The following CWC27 variants were observed in gnomAD, a reference collection of about 807,000 sequenced individuals.
The protein encoded by CWC27 is CWC27 spliceosome associated cyclophilin, also known as spliceosome-associated protein CWC27 homolog.
A neutral mutation model predicts 63.6 loss-of-function variants in CWC27; 47 were observed. The ratio of observed to expected loss-of-function variants is 0.74; its 90% CI spans 0.58 to 0.94. The LOEUF (loss-of-function observed/expected upper bound fraction) is 0.94. Among genes scored for constraint, CWC27 ranks in the 40% least tolerant of loss-of-function variants. The pLI is 0.00. For missense variants in CWC27, 495 were observed against 554.3 expected, an observed-to-expected ratio of 0.89 and a Z score of 1.07; for synonymous variants, 175 against 179.8, an observed-to-expected ratio of 0.97 and a Z score of 0.22.
intron 13 of CWC27, among the ~76,000 whole-genome samples, chr5:64,994,092 A>G (rs575896626): frequency 6.6e-6 from 1 of 152,356 alleles, no homozygotes; most frequent in African/African-American, 2.4e-5. Flanking sequence ...CAAATACCTA[A>G]TTTGTGTTTA....
rs147754378 is a variant in CWC27 at position 64,808,223 on chromosome 5, T to G, written c.938+3837T>G. 3,917 of 1,009,284 alleles carry G rather than the reference T, an allele frequency of 3.9e-3. 8 individuals carry two copies. Among genetic ancestry groups the G allele is most frequent in the East Asian group, 8.4e-3 (81 of 9,658 alleles). The allele number at this position is 1,009,284 out of a possible 1,614,324, so 62.5% of individuals were successfully genotyped here. A position where few individuals can be genotyped will look rare whatever the true frequency, so the allele number is the denominator to read the frequency against. ...GATCCCCAGGTGATTTTTGTGTGCA[T>G]TAGTTTGAGAAGCAGTCCTGTAGAA... is the stretch of plus-strand genomic sequence containing the variant. On this transcript the variant is annotated intron_variant, in intron 10 of 13. Coordinates refer to ENST00000381070, the MANE Select transcript of CWC27 (RefSeq NM_005869.4).
chr5:64,855,065 G>C (rs62369331), intron 10 of CWC27, among the ~76,000 whole-genome samples: 55,228 of 151,896 alleles, frequency 0.36, 10,627 homozygotes, highest in East Asian at 0.51. Context: ...CTGGTGCTGA[G>C]AGCCAAGTTT....
chr5:64,936,806 C>T (rs1372232929), intron 11 of CWC27, among the ~76,000 whole-genome samples: 1 of 152,118 alleles, frequency 6.6e-6, no homozygotes, highest in African/African-American at 2.4e-5. Flanking sequence ...AGGGATTTGA[C>T]TTCTTTCTGG....
Position 64,800,293 on chromosome 5 carries a change from G to A in CWC27, c.715G>A (p.Asp239Asn). The change falls in exon 8 of 14, where the codon GAT becomes AAT. Residue 239 changes from aspartate to asparagine, a missense_variant. Asp to Asn is a conservative substitution (Grantham distance 23). Transcript: ENST00000381070. ...AAGTAGTCATGACTTGCTTAAGGATGATCCACATCTCAGTTCTGTTCCAGT... is the reference window on the plus strand; with the variant it reads ...AAGTAGTCATGACTTGCTTAAGGATAATCCACATCTCAGTTCTGTTCCAGT... Reference protein sequence around the residue: ...SKSSHDLLKDDPHLSSVPVVE... With the variant: ...SKSSHDLLKDNPHLSSVPVVE... 1 of 1,612,554 alleles carries A rather than the reference G, an allele frequency of 6.2e-7. No homozygotes were observed. The highest frequency in any genetic ancestry group is 8.5e-7 in the Non-Finnish European group (1 of 1,179,046).
At chr5:64,848,307 A>G (rs1157350004) in intron 10 of CWC27, among the ~76,000 whole-genome samples, 2 of 152,152 alleles carry the variant, frequency 1.3e-5, no homozygotes, top group African/African-American at 4.8e-5. Context: ...CAAGAAGCTG[A>G]ACAGACCAAT....
chr5:64,801,308 A>T lies in CWC27; in HGVS notation c.756A>T (p.Lys252Asn). ...TTGCTTATTTTTTTTATAGTGAAAAAGGTGATGCACCAGATTTAGTTGATG... is the reference window on the plus strand; with the variant it reads ...TTGCTTATTTTTTTTATAGTGAAAATGGTGATGCACCAGATTTAGTTGATG... ...LSSVPVVESE[K>N]GDAPDLVDDG... The change falls in exon 9 of 14, where the codon AAA becomes AAT. Residue 252 changes from lysine (K) to asparagine (N), a missense_variant. By Grantham distance (94) the Lys-to-Asn change is moderately conservative. This residue lies in a region of CWC27 where 463 missense variants were observed against 498.1 expected (regional missense o/e 0.93). Transcript: ENST00000381070. 1.4e-6 allele frequency: 2 copies of T among 1,413,496 alleles called. No individual in the cohort carries two copies. 87.6% of individuals were successfully genotyped at this position (1,413,496 alleles called of 1,614,324 possible). A position where few individuals can be genotyped will look rare whatever the true frequency, so the allele number is the denominator to read the frequency against.
intron 11 of CWC27, among the ~76,000 whole-genome samples, chr5:64,935,115 T>C (rs1460215227): frequency 8.5e-5 from 13 of 152,168 alleles, no homozygotes; most frequent in South Asian, 4.1e-4. Context: ...TAATTAGATC[T>C]GATTTGTCAA....
chr5:64,983,116 G>A (rs1216854732), intron 13 of CWC27, among the ~76,000 whole-genome samples: 3 of 152,126 alleles, frequency 2.0e-5, no homozygotes, highest in Non-Finnish European at 2.9e-5. Flanking sequence ...GCCAAAAAAG[G>A]TTGGGGGCCA....
At chr5:64,921,969 A>G (rs1326305292) in intron 11 of CWC27, among the ~76,000 whole-genome samples, 1 of 152,152 alleles carries the variant, frequency 6.6e-6, no homozygotes, top group Non-Finnish European at 1.5e-5. Context: ...TTATTTTATG[A>G]TGTTGAAAAT....
chr5:64,843,455 GT>G (rs1485394324), intron 10 of CWC27, among the ~76,000 whole-genome samples: 2 of 152,166 alleles, frequency 1.3e-5, no homozygotes, highest in African/African-American at 4.8e-5. Flanking sequence ...CATTGAGACA[GT>G]TTTTTGAAGT....
chr5:64,833,419 A>C (rs1346299916), intron 10 of CWC27, among the ~76,000 whole-genome samples: 1 of 151,796 alleles, frequency 6.6e-6, no homozygotes, highest in Non-Finnish European at 1.5e-5. Context: ...TCTGTATATA[A>C]CTGGATTCTC....
chr5:65,007,203 TATC>T (rs778770034), intron 13 of CWC27, among the ~76,000 whole-genome samples: 12 of 152,194 alleles, frequency 7.9e-5, no homozygotes, highest in Non-Finnish European at 7.3e-5. Context: ...AGCCCAGTCT[TATC>T]ATGAGAAAAA....
intron 10 of CWC27, among the ~76,000 whole-genome samples, chr5:64,856,819 T>C (rs752920693): frequency 4.6e-5 from 7 of 152,136 alleles, no homozygotes; most frequent in Non-Finnish European, 1.0e-4. Context: ...TTCCATTTTT[T>C]TATAACTCTG....
At chr5:64,915,072 G>A (rs1747864928) in intron 11 of CWC27, among the ~76,000 whole-genome samples, 1 of 152,106 alleles carries the variant, frequency 6.6e-6, no homozygotes, top group Non-Finnish European at 1.5e-5. Flanking sequence ...GTGTGTTTTG[G>A]GTTTGGGTTT....
Position 64,769,043 on chromosome 5 carries a change from C to A in CWC27, c.-104C>A. ...ATATTGACAAACTGAAGCTTTCCTG[C>A]ACCACTGGACTTAAGGAAGAGTGTA... is the stretch of plus-strand genomic sequence containing the variant. On this transcript the variant is annotated 5_prime_UTR_variant, in exon 1 of 14. Transcript: ENST00000381070. The A allele has an allele frequency of 1.1e-6, 1 of 923,128 alleles. No individual in the cohort carries two copies. Among genetic ancestry groups the A allele is most frequent in the Non-Finnish European group, 1.8e-6 (1 of 563,644 alleles). The allele number at this position is 923,128 out of a possible 1,614,324, so 57.2% of individuals were successfully genotyped here.
At chr5:64,951,770 C>T (rs1428278522) in intron 11 of CWC27, among the ~76,000 whole-genome samples, 1 of 151,946 alleles carries the variant, frequency 6.6e-6, no homozygotes, top group Admixed American at 6.6e-5. Context: ...CATCTTTTCA[C>T]TTAGCACAAT....
chr5:64,928,869 G>T (rs1301060797), intron 11 of CWC27, among the ~76,000 whole-genome samples: 2 of 152,020 alleles, frequency 1.3e-5, no homozygotes, highest in African/African-American at 4.8e-5. Context: ...ATGTTACACT[G>T]CTGGGAGGTA....
intron 10 of CWC27, among the ~76,000 whole-genome samples, chr5:64,860,014 CA>C (rs1365088766): frequency 6.6e-6 from 1 of 152,202 alleles, no homozygotes; most frequent in Non-Finnish European, 1.5e-5. Context: ...TAAACCTTCA[CA>C]ACAACCCTAC....
intron 11 of CWC27, among the ~76,000 whole-genome samples, chr5:64,915,773 T>G (rs930058638): frequency 1.3e-5 from 2 of 152,126 alleles, no homozygotes; most frequent in East Asian, 1.9e-4. Context: ...AGTAGAAGCT[T>G]TACACGTATT....
Sources: allele counts gnomAD v4.1 joint callset (sites outside exome capture counted in the v4.1 genomes callset), GRCh38; gene constraint gnomAD v4.1.1; regional missense constraint gnomAD v4.1.1; transcripts MANE v1.5; gene names NCBI Gene and HGNC (gene_info 2026-07-23, HGNC 2026-07-21).